The following NUMA1 variants were observed in gnomAD, a reference collection of about 807,000 sequenced individuals.
The protein encoded by NUMA1 is nuclear mitotic apparatus protein 1, also known as SP-H antigen.
Under a neutral mutation model 237.1 loss-of-function variants are expected in NUMA1, and 62 were observed. The observed-to-expected ratio is 0.26, with a 90% CI of 0.21 to 0.32. The LOEUF is 0.32. Among genes scored for constraint, NUMA1 ranks in the 10% least tolerant of loss-of-function variants. NUMA1 has a pLI of 1.00. For missense variants in NUMA1, 2,533 were observed against 2,666.5 expected (o/e 0.95, Z 1.10); for synonymous variants, 1,028 against 1,066.1 (o/e 0.96, Z 0.70).
At chr11:72,027,147 C>T (rs888247873) in intron 4 of NUMA1, among the ~76,000 whole-genome samples, 2 of 152,150 alleles carry the variant, frequency 1.3e-5, no homozygotes, top group African/African-American at 4.8e-5. Flanking sequence ...TCTTCAAAAG[C>T]AAAAGTTCCT....
intron 3 of NUMA1, among the ~76,000 whole-genome samples, chr11:72,032,018 G>A (rs1287941509): frequency 6.6e-6 from 1 of 151,474 alleles, no homozygotes; most frequent in Non-Finnish European, 1.5e-5. Context: ...AGCCCAGCAT[G>A]GTGGTGCATG....
chr11:72,046,914 T>C (rs930116372), intron 2 of NUMA1, among the ~76,000 whole-genome samples: 5 of 151,656 alleles, frequency 3.3e-5, no homozygotes, highest in African/African-American at 1.2e-4. Flanking sequence ...GAGCTGAGAT[T>C]GCGCCATTGC....
rs759942476 is a variant in NUMA1, at chr11:72,006,072, A to G, written c.5655T>C (p.Arg1885=). Residue 1885 remains arginine (R), a synonymous_variant, in exon 22 of 27, where the codon CGT becomes CGC. Transcript: ENST00000393695. The stretch of plus-strand genomic sequence containing the variant: ...CACTGGACACCCCGGCCTGGGAACG[A>G]CGAGCAGAACTGCGAGTGGTGGGGC... ...GYRPTTRSSA[R]RSQAGVSSGA... is the part of the protein sequence containing the mutation. The G allele has an allele frequency of 1.4e-5, 23 of 1,613,702 alleles. No homozygotes were observed. The East Asian group carries it at 2.9e-4, about 20-fold the overall frequency.
intron 1 of NUMA1, among the ~76,000 whole-genome samples, chr11:72,075,843 A>G (rs1279472530): frequency 6.6e-6 from 1 of 152,192 alleles, no homozygotes; most frequent in African/African-American, 2.4e-5. Context: ...CAAATTAGTG[A>G]GGAGGATTAG....
chr11:72,003,549 C>G lies in NUMA1; in HGVS notation c.6337-11G>C, dbSNP rs1955408757. ...CCTTTAGTGCTTTGCCTGAAAGAGA[C>G]ACAGTCACATGGCCAGATGAGAACT... On this transcript the variant is annotated splice_polypyrimidine_tract_variant and intron_variant, in intron 26 of 26. Transcript: ENST00000393695. 1 of 1,614,178 alleles carries G rather than the reference C, an allele frequency of 6.2e-7. No individual in the cohort carries two copies. The highest frequency in any genetic ancestry group is 8.5e-7 in the Non-Finnish European group (1 of 1,180,002).
chr11:72,024,235 G>A (rs183076056), intron 5 of NUMA1, 39 bp downstream of exon 5: 35 of 1,588,132 alleles, frequency 2.2e-5, no homozygotes, highest in Non-Finnish European at 3.0e-5. Flanking sequence ...ACGAGCTGAG[G>A]AAGCAGCTTC....
intron 2 of NUMA1, among the ~76,000 whole-genome samples, chr11:72,062,853 A>G (rs1943016323): frequency 6.6e-6 from 1 of 151,924 alleles, no homozygotes; most frequent in South Asian, 2.1e-4. Flanking sequence ...TGGGCGGATC[A>G]CCTGAGGTCA....
intron 2 of NUMA1, among the ~76,000 whole-genome samples, chr11:72,046,594 GGAGA>G (rs138787982): frequency 0.015 from 2,238 of 149,580 alleles, 29 homozygotes; most frequent in Non-Finnish European, 0.024. Flanking sequence ...GCGGGGAGAG[GGAGA>G]GAGAGAGAGA....
chr11:72,077,321 A>G (rs983489662), intron 1 of NUMA1, among the ~76,000 whole-genome samples: 1 of 152,216 alleles, frequency 6.6e-6, no homozygotes, highest in African/African-American at 2.4e-5. Flanking sequence ...CATGTAATGG[A>G]AGTACAGAAC....
intron 1 of NUMA1, among the ~76,000 whole-genome samples, chr11:72,070,726 G>A (rs1943408391): frequency 6.6e-6 from 1 of 152,150 alleles, no homozygotes; most frequent in African/African-American, 2.4e-5. Flanking sequence ...CTGAGACCGT[G>A]CCACTGGACT....
intron 2 of NUMA1, among the ~76,000 whole-genome samples, chr11:72,063,125 C>G (rs1162398931): frequency 6.6e-6 from 1 of 151,136 alleles, no homozygotes; most frequent in Non-Finnish European, 1.5e-5. Context: ...GGCACATGCC[C>G]AAAATCCCAG....
intron 2 of NUMA1, among the ~76,000 whole-genome samples, chr11:72,044,086 A>G (rs545000386): frequency 2.6e-5 from 4 of 152,186 alleles, no homozygotes; most frequent in Non-Finnish European, 5.9e-5. Flanking sequence ...TGAAGTAGGT[A>G]CCATTATCAC....
intron 23 of NUMA1, 89 bp downstream of exon 23, chr11:72,005,144 C>G: frequency 7.2e-7 from 1 of 1,387,128 alleles, no homozygotes; most frequent in Non-Finnish European, 9.7e-7. Flanking sequence ...GTCAGTGATC[C>G]AGGGCCCTAG....
intron 21 of NUMA1, 72 bp from the exon 22 acceptor site, chr11:72,006,335 A>G: frequency 7.6e-7 from 1 of 1,315,956 alleles, no homozygotes; most frequent in Middle Eastern, 1.9e-4. Flanking sequence ...TTCCCTTCCG[A>G]AGCCCTCAGA....
rs1469338165 is a variant in NUMA1, at chr11:72,010,799, T to G, written c.4706A>C (p.Gln1569Pro). 1 of 1,613,700 alleles carries G rather than the reference T, an allele frequency of 6.2e-7. No individual in the cohort carries two copies. The highest frequency in any genetic ancestry group is 1.3e-5 in the African/African-American group (1 of 75,012). Residue 1569 changes from glutamine (Q) to proline (P), a missense_variant, in exon 17 of 27, where the codon CAG (glutamine) becomes CCG (proline). Gln to Pro is a moderately conservative substitution (Grantham distance 76). Transcript: ENST00000393695. ...CAGCTGCCCCACCTTCAGCTTCTGC[T>G]GCTGCACCTTGCTGGCTTGGTCAGA... Reference protein sequence around the residue: ...ADSDQASKVQQQKLKAVQAQG... With the variant: ...ADSDQASKVQPQKLKAVQAQG...
In NUMA1 at chr11:72,009,010, G is replaced by C. The variant is rs1278206104; in HGVS notation, c.5015C>G (p.Thr1672Ser). 6.2e-7 allele frequency: 1 copy of C among 1,613,718 alleles called. No homozygotes were observed. The highest frequency in any genetic ancestry group is 1.3e-5 in the African/African-American group (1 of 74,902). ...CACCTGGGCAGTAAGGTGGCGGCAG[G>C]TCTGTTCAGCCTCCTTGGTCTTCAG... ...AGLKTKEAEQTCRHLTAQVRS... is the reference protein window; with the variant it reads ...AGLKTKEAEQSCRHLTAQVRS... The change falls in exon 19 of 27, where the codon ACC (threonine) becomes AGC (serine). Residue 1672 changes from threonine to serine, a missense_variant. Coordinates refer to ENST00000393695, the MANE Select transcript of NUMA1 (RefSeq NM_006185.4).
At position 72,014,177 on chromosome 11, in the gene NUMA1, G is replaced by A; in HGVS notation, c.3326C>T (p.Ser1109Phe). Residue 1109 changes from serine to phenylalanine, a missense_variant, in exon 15 of 27, where the codon TCT (serine) becomes TTT (phenylalanine). Transcript: ENST00000393695. This position sits in a 1 kb window ranked among gnomAD's most constrained non-coding sequence, Gnocchi z 4.6. ...KEHASGSGAQ[S>F]EAAGRTEPTG... The stretch of plus-strand genomic sequence containing the variant: ...TGGCTCTGTCCTGCCAGCAGCCTCA[G>A]ATTGGGCTCCTGAGCCAGATGCGTG... 6.2e-7 allele frequency: 1 copy of A among 1,613,842 alleles called. No individual in the cohort carries two copies. Among genetic ancestry groups the A allele is most frequent in the South Asian group, 1.1e-5 (1 of 91,088 alleles).
At chr11:72,027,768 A>G (rs556933911) in intron 4 of NUMA1, among the ~76,000 whole-genome samples, 8 of 152,340 alleles carry the variant, frequency 5.3e-5, no homozygotes, top group African/African-American at 1.9e-4. Flanking sequence ...GAACTCGTGC[A>G]TAGGAATGAA....
intron 2 of NUMA1, chr11:72,065,418 G>A (rs1277030831): frequency 4.0e-5 from 6 of 151,882 alleles, no homozygotes; most frequent in Admixed American, 1.3e-4. Context: ...TATTTATGAA[G>A]AGTATATATA....
Sources: allele counts gnomAD v4.1 joint callset (sites outside exome capture counted in the v4.1 genomes callset), GRCh38; gene constraint gnomAD v4.1.1; non-coding constraint Gnocchi (gnomAD v3.1); transcripts MANE v1.5; gene names NCBI Gene and HGNC (gene_info 2026-07-23, HGNC 2026-07-21).